The following SLC45A4 variants were observed in gnomAD, a reference collection of about 807,000 sequenced individuals.
SLC45A4 encodes the protein polyamine-transporter SLC45A4.
In SLC45A4, 32 loss-of-function variants were observed where a neutral mutation model predicts 63.7. That is an observed-to-expected ratio of 0.50 (90% CI 0.38 to 0.67). The LOEUF is 0.67. Among genes scored for constraint, SLC45A4 ranks in the 30% least tolerant of loss-of-function variants. The probability of loss-of-function intolerance (pLI) is 0.00; values close to 1 mark genes in which losing one functional copy is unlikely to be tolerated. For missense variants in SLC45A4, 1,027 were observed against 1,157.7 expected (o/e 0.89, Z 1.64); for synonymous variants, 535 against 510.0 (o/e 1.05, Z -0.66).
At position 141,219,853 on chromosome 8, in the gene SLC45A4, G is replaced by C. The variant is rs111447630; in HGVS notation, c.431-24C>G. On this transcript the variant is annotated intron_variant, in intron 3 of 8. Coordinates refer to ENST00000517878, the MANE Select transcript of SLC45A4 (RefSeq NM_001286646.2). Reference sequence around the variant, plus strand: ...ACCTGCGCAGAGCACACGGGAGGGCGGTCAGGTCCTCAAGCACTGGCCAGG... The same window carrying C: ...ACCTGCGCAGAGCACACGGGAGGGCCGTCAGGTCCTCAAGCACTGGCCAGG... 3,191 of 1,532,066 alleles carry C rather than the reference G, an allele frequency of 2.1e-3. 73 individuals are homozygous for C. In the African/African-American group the frequency reaches 0.04, roughly 19 times the overall value. The allele number at this position is 1,532,066 out of a possible 1,614,324, so 94.9% of individuals were successfully genotyped here.
At chr8:141,245,431 C>T (rs1032707773) in intron 2 of SLC45A4, among the ~76,000 whole-genome samples, 2 of 152,278 alleles carry the variant, frequency 1.3e-5, no homozygotes, top group Middle Eastern at 3.4e-3. Flanking sequence ...GTTAATTCAT[C>T]ACTCAACGAA....
intron 2 of SLC45A4, among the ~76,000 whole-genome samples, chr8:141,244,597 T>C (rs1828076572): frequency 6.6e-6 from 1 of 152,040 alleles, no homozygotes; most frequent in Non-Finnish European, 1.5e-5. Context: ...ATGCACACAC[T>C]GTGGAGTGCG....
At position 141,242,914 on chromosome 8, in the gene SLC45A4, A is replaced by T. The variant is rs181819622; in HGVS notation, c.241+11075T>A. Among the ~76,000 whole-genome samples, 57 of 152,326 alleles carry T rather than the reference A, an allele frequency of 3.7e-4. 1 individual carries two copies. Among genetic ancestry groups the T allele is most frequent in the Admixed American group, 3.5e-3 (53 of 15,300 alleles). On this transcript the variant is annotated intron_variant, in intron 2 of 8. Transcript: ENST00000517878. Reference sequence around the variant, plus strand: ...GGTAGGAGGCTATAGAATCTCTCACAAGAGGCGACGGGATTTTCAAACCTA... The same window carrying T: ...GGTAGGAGGCTATAGAATCTCTCACTAGAGGCGACGGGATTTTCAAACCTA...
chr8:141,239,337 T>C (rs1827787194), intron 2 of SLC45A4, among the ~76,000 whole-genome samples: 1 of 152,270 alleles, frequency 6.6e-6, no homozygotes, highest in South Asian at 2.1e-4. Flanking sequence ...CTGAACCCCT[T>C]TCAGAGTGTC....
chr8:141,255,210 T>C (rs1828717301), intron 1 of SLC45A4, among the ~76,000 whole-genome samples: 1 of 152,022 alleles, frequency 6.6e-6, no homozygotes, highest in Non-Finnish European at 1.5e-5. Context: ...TCCCACCTCA[T>C]CCTCCCGAGT....
intron 2 of SLC45A4, among the ~76,000 whole-genome samples, chr8:141,235,527 T>C (rs1827582167): frequency 6.6e-6 from 1 of 152,138 alleles, no homozygotes; most frequent in African/African-American, 2.4e-5. Context: ...TTATAAGAAC[T>C]GGTGAATTAT....
chr8:141,287,060 C>T (rs1044061618), intron 1 of SLC45A4, among the ~76,000 whole-genome samples: 3 of 152,064 alleles, frequency 2.0e-5, no homozygotes, highest in African/African-American at 7.3e-5. Context: ...GTCGCCTGAC[C>T]GCTCCAGGTC....
At chr8:141,247,427 T>C (rs1351577140) in intron 2 of SLC45A4, among the ~76,000 whole-genome samples, 1 of 152,214 alleles carries the variant, frequency 6.6e-6, no homozygotes. Flanking sequence ...AGAAGATATA[T>C]TATGTTCATG....
intron 1 of SLC45A4, among the ~76,000 whole-genome samples, chr8:141,263,725 G>A (rs1829137919): frequency 6.8e-6 from 1 of 147,804 alleles, no homozygotes; most frequent in Non-Finnish European, 1.5e-5. Context: ...AGCCGAAACT[G>A]CGCCACTGTA....
chr8:141,251,673 TGAAGCCTTCTCAA>T (rs2154614644), intron 2 of SLC45A4, among the ~76,000 whole-genome samples: 1 of 152,136 alleles, frequency 6.6e-6, no homozygotes, highest in East Asian at 1.9e-4. Context: ...GGCCTTCTCA[TGAAGCCTTCTCAA>T]AACAAGGTTT....
Position 141,300,622 on chromosome 8 carries a change from G to A in SLC45A4, c.-401+7474C>T, listed in dbSNP as rs537381897. Among the ~76,000 whole-genome samples, 4 of 152,344 alleles carry A rather than the reference G, an allele frequency of 2.6e-5. No homozygotes were observed. The East Asian group carries it at 7.7e-4, about 29-fold the overall frequency. On this transcript the variant is annotated intron_variant, in intron 1 of 8. Transcript: ENST00000517878. Reference sequence around the variant, plus strand: ...CGGAACAGGCACAGCGATGCCCTGTGCAGGAAGAAGGGCGGAGCAGGGTGA... The same window carrying A: ...CGGAACAGGCACAGCGATGCCCTGTACAGGAAGAAGGGCGGAGCAGGGTGA...
At chr8:141,303,358 TG>T (rs1489724774) in intron 1 of SLC45A4, among the ~76,000 whole-genome samples, 22 of 146,296 alleles carry the variant, frequency 1.5e-4, no homozygotes, top group African/African-American at 5.3e-4. Flanking sequence ...CAGGCTGGCC[TG>T]GAACTCCTGG....
intron 2 of SLC45A4, among the ~76,000 whole-genome samples, chr8:141,251,404 CT>C (rs1400581676): frequency 6.6e-6 from 1 of 152,084 alleles, no homozygotes; most frequent in African/African-American, 2.4e-5. Context: ...CAGCCCATTT[CT>C]TTCCCTCGCT....
At chr8:141,246,901 G>A (rs937756113) in intron 2 of SLC45A4, among the ~76,000 whole-genome samples, 2 of 152,138 alleles carry the variant, frequency 1.3e-5, no homozygotes, top group African/African-American at 4.8e-5. Context: ...GATTGCTTGA[G>A]CCCAGGAGTT....
intron 5 of SLC45A4, among the ~76,000 whole-genome samples, chr8:141,217,755 T>A (rs9324542): frequency 0.66 from 100,955 of 152,124 alleles, 34,321 homozygotes; most frequent in East Asian, 0.82. Flanking sequence ...TTCACACCAG[T>A]ATCAGCATTC....
At chr8:141,263,989 T>C (rs1039874752) in intron 1 of SLC45A4, among the ~76,000 whole-genome samples, 2 of 152,076 alleles carry the variant, frequency 1.3e-5, no homozygotes, top group Non-Finnish European at 2.9e-5. Flanking sequence ...TCCGGGTTGG[T>C]GCCAGAAGAA....
In SLC45A4 at chr8:141,256,192, G is replaced by A. The variant is rs576036269; in HGVS notation, c.-400-1563C>T. On this transcript the variant is annotated intron_variant, in intron 1 of 8. Coordinates refer to ENST00000517878, the MANE Select transcript of SLC45A4 (RefSeq NM_001286646.2). The surrounding 1 kb of genome is among the most constrained non-coding windows in gnomAD (Gnocchi z 4.3). Reference sequence around the variant, plus strand: ...ATCTCTCCTCAGGTAAGATAAGATCGGGGATGTGGAACACCCCAAGTTCAG... The same window carrying A: ...ATCTCTCCTCAGGTAAGATAAGATCAGGGATGTGGAACACCCCAAGTTCAG... 7.2e-5 allele frequency among the ~76,000 whole-genome samples: 11 copies of A among 152,304 alleles called. No individual in the cohort carries two copies. Among genetic ancestry groups the A allele is most frequent in the African/African-American group, 2.4e-4 (10 of 41,562 alleles).
intron 2 of SLC45A4, among the ~76,000 whole-genome samples, chr8:141,234,219 G>A (rs1827505611): frequency 6.6e-6 from 1 of 152,220 alleles, no homozygotes; most frequent in African/African-American, 2.4e-5. Flanking sequence ...CTGGTGGAAG[G>A]CAGCCTGGTT....
In SLC45A4 at chr8:141,217,084, T is replaced by C. The variant is rs767516442; in HGVS notation, c.1729+6A>G. 6.8e-6 allele frequency: 11 copies of C among 1,613,562 alleles called. No individual in the cohort carries two copies. The African/African-American group carries it at 1.5e-4, about 22-fold the overall frequency. ...CGAGTGCTGACCTGACTTGGGGAGC[T>C]CTTACCTGAACAAATAGCACCAGTG... On this transcript the variant is annotated splice_donor_region_variant and intron_variant, in intron 6 of 8. Coordinates refer to ENST00000517878, the MANE Select transcript of SLC45A4 (RefSeq NM_001286646.2).
Sources: allele counts gnomAD v4.1 joint callset (sites outside exome capture counted in the v4.1 genomes callset), GRCh38; gene constraint gnomAD v4.1.1; non-coding constraint Gnocchi (gnomAD v3.1); transcripts MANE v1.5; gene names NCBI Gene and HGNC (gene_info 2026-07-23, HGNC 2026-07-21).